The following ZNF207 variants were observed in gnomAD, a reference collection of about 807,000 sequenced individuals.
ZNF207 encodes the protein BUB3-interacting and GLEBS motif-containing protein ZNF207.
Under a neutral mutation model 60.2 loss-of-function variants are expected in ZNF207, and 24 were observed. The ratio of observed to expected loss-of-function variants is 0.40; its 90% CI spans 0.29 to 0.56. ZNF207 has a LOEUF of 0.56. ZNF207 is among the 20% of genes least tolerant of loss of function. ZNF207 has a pLI of 0.49. For synonymous variants in ZNF207, 236 were observed against 194.7 expected (o/e 1.21, Z -1.77); for missense variants, 452 against 636.6 (o/e 0.71, Z 3.12).
chr17:32,361,083 C>A, intron 5 of ZNF207, 116 bp downstream of exon 5: 1 of 1,004,060 alleles, frequency 1.0e-6, no homozygotes, highest in Non-Finnish European at 1.5e-6. Context: ...AAGGTATGGG[C>A]TCTATATATC....
At chr17:32,357,366 T>TTTA (rs1597767218) in intron 2 of ZNF207, among the ~76,000 whole-genome samples, 1 of 138,362 alleles carries the variant, frequency 7.2e-6, no homozygotes, top group African/African-American at 2.7e-5. Flanking sequence ...TTTTTTTTTT[T>TTTA]GAGACAGAAT....
Position 32,361,531 on chromosome 17 carries a change from A to G in ZNF207, c.599+16A>G. On this transcript the variant is annotated intron_variant, in intron 6 of 11. Coordinates refer to ENST00000394670, the MANE Select transcript of ZNF207 (RefSeq NM_001098507.2). Reference sequence around the variant, plus strand: ...GTGAAAACATGTAAGCATCTCATTCATAATGTAATTCAGGAGGTATAATCA... The same window carrying G: ...GTGAAAACATGTAAGCATCTCATTCGTAATGTAATTCAGGAGGTATAATCA... 3 of 1,603,610 alleles carry G rather than the reference A, an allele frequency of 1.9e-6. No homozygotes were observed. Among genetic ancestry groups the G allele is most frequent in the Non-Finnish European group, 2.6e-6 (3 of 1,173,834 alleles).
intron 10 of ZNF207, chr17:32,368,553 T>C (rs1364690807): frequency 1.3e-5 from 2 of 156,800 alleles, no homozygotes; most frequent in Non-Finnish European, 2.8e-5. Flanking sequence ...TAGCAGTGTG[T>C]AGTGGCGGGC....
At chr17:32,354,761 C>T (rs929695442) in intron 2 of ZNF207, among the ~76,000 whole-genome samples, 3 of 152,006 alleles carry the variant, frequency 2.0e-5, no homozygotes, top group Non-Finnish European at 4.4e-5. Context: ...TTACAGACGC[C>T]TGCCATTGTG....
At chr17:32,354,680 C>G (rs1266065393) in intron 2 of ZNF207, among the ~76,000 whole-genome samples, 1 of 151,588 alleles carries the variant, frequency 6.6e-6, no homozygotes, top group Non-Finnish European at 1.5e-5. Context: ...TGGGCGTGAT[C>G]TCGGCTCACC....
rs1222902777 is a variant in ZNF207, at chr17:32,378,692, TTTTTA to T, written c.*8938_*8942del. On this transcript the variant is annotated 3_prime_UTR_variant, in exon 12 of 12. Coordinates refer to ENST00000394670, the MANE Select transcript of ZNF207 (RefSeq NM_001098507.2). The stretch of plus-strand genomic sequence containing the variant: ...GGGTTGTGGAAAATGTGTTTTAACA[TTTTTA>T]TTTTTTTTTTATTCTACCCGAGTTC... The T allele has an allele frequency of 6.6e-6, 1 of 152,022 alleles. No homozygotes were observed. Among genetic ancestry groups the T allele is most frequent in the Non-Finnish European group, 1.5e-5 (1 of 67,900 alleles). The allele number at this position is 152,022 out of a possible 1,614,324, so 9.4% of individuals were successfully genotyped here.
In ZNF207 at chr17:32,365,539, A is replaced by C. The variant is rs530944089; in HGVS notation, c.828+52A>C. 1.2e-5 allele frequency: 18 copies of C among 1,540,820 alleles called. No homozygotes were observed. In the East Asian group the frequency reaches 3.9e-4, roughly 33 times the overall value. On this transcript the variant is annotated intron_variant, in intron 8 of 11. Transcript: ENST00000394670. Reference sequence around the variant, plus strand: ...GCACTTATATTTAAAGATAAAGTACAGTTGTTTACAGAAGTCTTTGAAATT... The same window carrying C: ...GCACTTATATTTAAAGATAAAGTACCGTTGTTTACAGAAGTCTTTGAAATT...
At position 32,369,126 on chromosome 17, in the gene ZNF207, C is replaced by G. The variant is rs1407300707; in HGVS notation, c.1165-169C>G. 12 of 618,684 alleles carry G rather than the reference C, an allele frequency of 1.9e-5. No individual in the cohort carries two copies. In the East Asian group the frequency reaches 2.3e-4, roughly 12 times the overall value. The allele number at this position is 618,684 out of a possible 1,614,324, so 38.3% of individuals were successfully genotyped here. On this transcript the variant is annotated intron_variant, in intron 10 of 11. Coordinates refer to ENST00000394670, the MANE Select transcript of ZNF207 (RefSeq NM_001098507.2). Reference sequence around the variant, plus strand: ...ACAAATAGGTGAAGTTTTAAGGTATCTAGAGTTTAAGTAGTTGGATTGGTT... The same window carrying G: ...ACAAATAGGTGAAGTTTTAAGGTATGTAGAGTTTAAGTAGTTGGATTGGTT...
At chr17:32,361,696 G>A (rs745790774) in intron 6 of ZNF207, among the ~76,000 whole-genome samples, 181 bp downstream of exon 6, 6 of 152,050 alleles carry the variant, frequency 3.9e-5, no homozygotes, top group African/African-American at 7.2e-5. Flanking sequence ...TTTAGGAAAC[G>A]GTAATAGACC....
chr17:32,367,678 A>G, intron 9 of ZNF207, 94 bp from the exon 10 acceptor site: 1 of 1,493,838 alleles, frequency 6.7e-7, no homozygotes, highest in Admixed American at 2.2e-5. Flanking sequence ...TTGGTCCTTT[A>G]TTTAATGTTG....
At chr17:32,362,512 T>C (rs1339993068) in intron 6 of ZNF207, among the ~76,000 whole-genome samples, 1 of 152,190 alleles carries the variant, frequency 6.6e-6, no homozygotes, top group East Asian at 1.9e-4. Context: ...CTTTTTCTTT[T>C]CAAAATCCAA....
At chr17:32,352,615 A>T (rs1241979527) in intron 2 of ZNF207, among the ~76,000 whole-genome samples, 3 of 152,224 alleles carry the variant, frequency 2.0e-5, no homozygotes, top group African/African-American at 7.2e-5. Context: ...CCATTGAAGG[A>T]TCTGTTATTA....
intron 11 of ZNF207, 52 bp downstream of exon 11, chr17:32,369,506 A>G (rs572708244): frequency 3.7e-6 from 6 of 1,604,338 alleles, no homozygotes; most frequent in Non-Finnish European, 5.1e-6. Context: ...AAGTTCACGC[A>G]TAAAATATTA....
chr17:32,355,104 C>G (rs1210789016), intron 2 of ZNF207, among the ~76,000 whole-genome samples: 5 of 152,104 alleles, frequency 3.3e-5, no homozygotes, highest in Non-Finnish European at 7.3e-5. Flanking sequence ...ATGTTGATCT[C>G]AAGATGGTCT....
rs1905626542 is a variant in ZNF207 at position 32,374,920 on chromosome 17, G to C, written c.*5161G>C. 2 of 152,172 alleles carry C rather than the reference G, an allele frequency of 1.3e-5. No individual in the cohort carries two copies. Among genetic ancestry groups the C allele is most frequent in the South Asian group, 4.1e-4 (2 of 4,834 alleles). The allele number at this position is 152,172 out of a possible 1,614,324, so 9.4% of individuals were successfully genotyped here. On this transcript the variant is annotated 3_prime_UTR_variant, in exon 12 of 12. Coordinates refer to ENST00000394670, the MANE Select transcript of ZNF207 (RefSeq NM_001098507.2). ...CCACATTTGTTTCCAACTAAAATTT[G>C]CTTTTATTTGGTGAGAAAAGTTGTG...
intron 3 of ZNF207, among the ~76,000 whole-genome samples, chr17:32,359,955 A>C (rs890330366): frequency 1.3e-5 from 2 of 152,132 alleles, no homozygotes; most frequent in African/African-American, 4.8e-5. Context: ...ATTTATTTGG[A>C]ATTTAAAATT....
intron 7 of ZNF207, among the ~76,000 whole-genome samples, chr17:32,363,949 CT>C (rs1298634058): frequency 6.6e-6 from 1 of 151,986 alleles, no homozygotes; most frequent in Non-Finnish European, 1.5e-5. Context: ...CTCACCTTAG[CT>C]TTTTTTCCTC....
intron 6 of ZNF207, chr17:32,362,612 A>G: frequency 4.2e-6 from 1 of 236,500 alleles, no homozygotes; most frequent in Non-Finnish European, 8.1e-6. Context: ...CTTTCCCATT[A>G]CACATATTTT....
rs1355704553 is a variant in ZNF207 at position 32,377,480 on chromosome 17, A to G, written c.*7721A>G. ...CTGTTCGCTTATTCAAAGAGAAACA[A>G]TAGAATTTGCTTCTCAGTACATGTT... On this transcript the variant is annotated 3_prime_UTR_variant, in exon 12 of 12. Coordinates refer to ENST00000394670, the MANE Select transcript of ZNF207 (RefSeq NM_001098507.2). 6.6e-6 allele frequency: 1 copy of G among 152,022 alleles called. No individual in the cohort carries two copies. Among genetic ancestry groups the G allele is most frequent in the Non-Finnish European group, 1.5e-5 (1 of 67,866 alleles). The allele number at this position is 152,022 out of a possible 1,614,324, so 9.4% of individuals were successfully genotyped here.
Sources: allele counts gnomAD v4.1 joint callset (sites outside exome capture counted in the v4.1 genomes callset), GRCh38; gene constraint gnomAD v4.1.1; transcripts MANE v1.5; gene names NCBI Gene and HGNC (gene_info 2026-07-23, HGNC 2026-07-21).